GNAI1: variants seen among roughly 807,000 people sequenced by gnomAD.
GNAI1 encodes the protein G protein subunit alpha i1.
A neutral mutation model predicts 38.9 loss-of-function variants in GNAI1; 11 were observed. That is an observed-to-expected ratio of 0.28 (90% CI 0.18 to 0.47). GNAI1 has a LOEUF of 0.47. GNAI1 is among the 20% of genes least tolerant of loss of function. GNAI1 has a pLI of 0.99. For synonymous variants in GNAI1, 166 were observed against 145.1 expected (o/e 1.14, Z -1.04); for missense variants, 317 against 436.9 (o/e 0.73, Z 2.45).
At chr7:80,209,494 A>G (rs1414965034) in intron 5 of GNAI1, among the ~76,000 whole-genome samples, 1 of 152,164 alleles carries the variant, frequency 6.6e-6, no homozygotes, top group Non-Finnish European at 1.5e-5. Context: ...CTGATTACAG[A>G]TGTTAATCAT....
At chr7:80,164,971 A>G (rs1322949764) in intron 1 of GNAI1, among the ~76,000 whole-genome samples, 2 of 151,868 alleles carry the variant, frequency 1.3e-5, no homozygotes. Flanking sequence ...AGAAAAAGCT[A>G]AAGATGACAT....
intron 3 of GNAI1, among the ~76,000 whole-genome samples, chr7:80,196,301 G>T (rs1788571461): frequency 6.6e-6 from 1 of 151,858 alleles, no homozygotes; most frequent in Non-Finnish European, 1.5e-5. Flanking sequence ...TAATTGCCTG[G>T]CAAATAATCT....
At chr7:80,213,690 A>G (rs1788911145) in intron 7 of GNAI1, among the ~76,000 whole-genome samples, 2 of 152,092 alleles carry the variant, frequency 1.3e-5, no homozygotes, top group Non-Finnish European at 1.5e-5. Context: ...CTCAGCTTTC[A>G]TCTGGTTTAT....
intron 1 of GNAI1, among the ~76,000 whole-genome samples, chr7:80,165,068 C>T (rs1318852866): frequency 1.3e-5 from 2 of 151,910 alleles, no homozygotes; most frequent in Non-Finnish European, 2.9e-5. Flanking sequence ...CCACCAAGAC[C>T]GAACTGAAGG....
At chr7:80,206,288 A>G (rs1033411774) in intron 5 of GNAI1, among the ~76,000 whole-genome samples, 3 of 152,044 alleles carry the variant, frequency 2.0e-5, no homozygotes, top group Non-Finnish European at 4.4e-5. Flanking sequence ...TTATGTGGCA[A>G]CATTAGCTTT....
At position 80,181,482 on chromosome 7, in the gene GNAI1, T is replaced by C. The variant is rs541884641; in HGVS notation, c.119-7469T>C. On this transcript the variant is annotated intron_variant, in intron 1 of 7. Coordinates refer to ENST00000649796, the MANE Select transcript of GNAI1 (RefSeq NM_002069.6). ...TGCAGAAAACGTACACCTGAAAATA[T>C]GCCTGTGGCCTCTGGTCCTCCACCC... is the stretch of plus-strand genomic sequence containing the variant. Among the ~76,000 whole-genome samples the C allele has an allele frequency of 3.9e-5, 6 of 152,326 alleles. No homozygotes were observed. The South Asian group carries it at 1.0e-3, about 26-fold the overall frequency.
intron 3 of GNAI1, among the ~76,000 whole-genome samples, chr7:80,193,597 C>T (rs1486748120): frequency 6.6e-6 from 1 of 152,054 alleles, no homozygotes; most frequent in East Asian, 1.9e-4. Context: ...GCCTATTCAC[C>T]TGTTCAGGCA....
At chr7:80,179,791 G>T (rs1308100440) in intron 1 of GNAI1, among the ~76,000 whole-genome samples, 4 of 152,202 alleles carry the variant, frequency 2.6e-5, no homozygotes, top group African/African-American at 9.6e-5. Flanking sequence ...AGCCTGAACA[G>T]TGCCAGGTGA....
At chr7:80,201,316 G>T (rs1005115967) in intron 4 of GNAI1, among the ~76,000 whole-genome samples, 1 of 152,184 alleles carries the variant, frequency 6.6e-6, no homozygotes, top group Non-Finnish European at 1.5e-5. Context: ...TACTACTTGG[G>T]AATGACAGAT....
At chr7:80,155,200 T>C (rs1044866567) in intron 1 of GNAI1, among the ~76,000 whole-genome samples, 2 of 152,180 alleles carry the variant, frequency 1.3e-5, no homozygotes, top group Non-Finnish European at 2.9e-5. Context: ...TAATACTTTT[T>C]ATAATCTCCT....
In GNAI1 at chr7:80,224,306, AAC is replaced by A. The variant is rs753933877; in HGVS notation, c.*6817_*6818del. On this transcript the variant is annotated 3_prime_UTR_variant, in exon 8 of 8. Transcript: ENST00000649796. ...AAAATTTCCATTTTCTATATAAGGA[AAC>A]ACATTTAAGAGAGGTTAGTATTTTG... Among the ~76,000 whole-genome samples the A allele has an allele frequency of 3.3e-5, 5 of 152,192 alleles. No individual in the cohort carries two copies. The highest frequency in any genetic ancestry group is 7.3e-5 in the Non-Finnish European group (5 of 68,042).
chr7:80,216,028 A>G (rs553628196), intron 7 of GNAI1, among the ~76,000 whole-genome samples: 3 of 151,834 alleles, frequency 2.0e-5, no homozygotes, highest in African/African-American at 7.2e-5. Context: ...AAAGTCTGGC[A>G]GATAATTTTG....
chr7:80,156,120 A>G (rs1413589862), intron 1 of GNAI1, among the ~76,000 whole-genome samples: 3 of 151,768 alleles, frequency 2.0e-5, no homozygotes, highest in African/African-American at 7.3e-5. Context: ...CTTCCTCGTG[A>G]AATTCAAAAA....
intron 3 of GNAI1, among the ~76,000 whole-genome samples, chr7:80,194,048 C>G (rs963774469): frequency 1.3e-5 from 2 of 152,142 alleles, no homozygotes; most frequent in Non-Finnish European, 2.9e-5. Context: ...TTGTCTGTGT[C>G]TGTCTGCCGG....
intron 4 of GNAI1, among the ~76,000 whole-genome samples, chr7:80,201,522 C>T (rs1485328138): frequency 6.6e-6 from 1 of 151,966 alleles, no homozygotes; most frequent in African/African-American, 2.4e-5. Flanking sequence ...AATTCCAGAC[C>T]ATCCTGGCCA....
chr7:80,172,991 G>A (rs1788122516), intron 1 of GNAI1, among the ~76,000 whole-genome samples: 2 of 152,130 alleles, frequency 1.3e-5, no homozygotes, highest in Admixed American at 6.6e-5. Flanking sequence ...TGGGCACATG[G>A]CCACACAGTT....
intron 1 of GNAI1, among the ~76,000 whole-genome samples, chr7:80,176,936 C>CAA (rs374205117): frequency 2.2e-4 from 16 of 71,140 alleles, no homozygotes; most frequent in East Asian, 1.0e-3. Context: ...GACTCTGTCT[C>CAA]AAAAAAAAAA....
chr7:80,186,543 C>T (rs1011893733), intron 1 of GNAI1, among the ~76,000 whole-genome samples: 1 of 152,102 alleles, frequency 6.6e-6, no homozygotes, highest in Non-Finnish European at 1.5e-5. Context: ...CATAGTTCAA[C>T]TGGAAAAATC....
intron 1 of GNAI1, among the ~76,000 whole-genome samples, chr7:80,172,449 C>T (rs1488136790): frequency 1.3e-5 from 2 of 152,092 alleles, no homozygotes; most frequent in African/African-American, 2.4e-5. Flanking sequence ...AAGGGAACTT[C>T]TAAAAACAAA....
Sources: gnomAD v4.1 joint callset for allele counts (sites outside exome capture counted in the v4.1 genomes callset) on GRCh38, gnomAD v4.1.1 for gene constraint, MANE v1.5 for transcripts, NCBI Gene and HGNC (gene_info 2026-07-23, HGNC 2026-07-21) for gene names.